MARCHF3: variants seen among roughly 807,000 people sequenced by gnomAD.
MARCHF3 encodes membrane associated ring-CH-type finger 3, also known as E3 ubiquitin-protein ligase MARCHF3.
Under a neutral mutation model 24.2 loss-of-function variants are expected in MARCHF3, and 13 were observed. The ratio of observed to expected loss-of-function variants is 0.54; its 90% CI spans 0.35 to 0.85. The LOEUF is 0.85. MARCHF3 is among the 40% of genes least tolerant of loss of function. The pLI, the probability that MARCHF3 is intolerant of heterozygous loss-of-function variation, is 0.01. For synonymous variants in MARCHF3, 144 were observed against 137.3 expected, an observed-to-expected ratio of 1.05 and a Z score of -0.34; for missense variants, 276 against 325.0, an observed-to-expected ratio of 0.85 and a Z score of 1.16.
intron 1 of MARCHF3, among the ~76,000 whole-genome samples, chr5:126,990,753 T>A (rs1201496252): frequency 2.0e-5 from 3 of 152,190 alleles, no homozygotes; most frequent in East Asian, 1.9e-4. Flanking sequence ...GAACAGACAC[T>A]TTTCAAAAGA....
At chr5:126,931,111 T>C (rs1395995755) in intron 1 of MARCHF3, among the ~76,000 whole-genome samples, 1 of 152,244 alleles carries the variant, frequency 6.6e-6, no homozygotes, top group Non-Finnish European at 1.5e-5. Flanking sequence ...GGGTGGACTC[T>C]GAGGAGATTC....
chr5:126,915,157 T>A, intron 2 of MARCHF3, 23 bp from the exon 3 acceptor site: 1 of 1,609,064 alleles, frequency 6.2e-7, no homozygotes, highest in East Asian at 2.2e-5. Flanking sequence ...GAGGGGCACC[T>A]GCTGGTCACT....
At chr5:127,025,906 G>A (rs1005372705) in intron 1 of MARCHF3, among the ~76,000 whole-genome samples, 1 of 152,138 alleles carries the variant, frequency 6.6e-6, no homozygotes, top group Non-Finnish European at 1.5e-5. Context: ...GAACTTAAGG[G>A]GGCATTTCGG....
intron 1 of MARCHF3, among the ~76,000 whole-genome samples, chr5:126,980,308 T>G (rs1751352767): frequency 6.6e-6 from 1 of 152,094 alleles, no homozygotes; most frequent in African/African-American, 2.4e-5. Flanking sequence ...CTTTAGAATT[T>G]TAAGAGAAGC....
At chr5:126,972,093 A>G (rs1000684787) in intron 1 of MARCHF3, among the ~76,000 whole-genome samples, 3 of 152,122 alleles carry the variant, frequency 2.0e-5, no homozygotes, top group African/African-American at 7.2e-5. Context: ...TTTCTTTTCC[A>G]AGACCAAAAG....
chr5:126,888,702 T>C lies in MARCHF3; in HGVS notation c.394-10308A>G, dbSNP rs558886088. Among the ~76,000 whole-genome samples, 40 of 152,322 alleles carry C rather than the reference T, an allele frequency of 2.6e-4. 1 individual carries two copies. The highest frequency in any genetic ancestry group is 8.7e-4 in the African/African-American group (36 of 41,564). ...AGGAAACAGAAGTTTTTAGAATAAA[T>C]TGATAAAATGCATAGTGCCAAAAGT... On this transcript the variant is annotated intron_variant, in intron 3 of 4. Coordinates refer to ENST00000308660, the MANE Select transcript of MARCHF3 (RefSeq NM_178450.5).
intron 1 of MARCHF3, among the ~76,000 whole-genome samples, chr5:126,962,234 C>A (rs56122855): frequency 0.052 from 7,797 of 151,164 alleles, 361 homozygotes; most frequent in South Asian, 0.14. Flanking sequence ...ATCTATATAT[C>A]TCTCTCTCTA....
chr5:126,932,548 G>A (rs1289305198), intron 1 of MARCHF3, among the ~76,000 whole-genome samples: 1 of 152,204 alleles, frequency 6.6e-6, no homozygotes, highest in Non-Finnish European at 1.5e-5. Flanking sequence ...GGATGGGCCA[G>A]AGCTTGTCAT....
intron 1 of MARCHF3, among the ~76,000 whole-genome samples, chr5:127,023,733 AAAATAAATAAATAAATAAATAAATAAAT>A (rs147240868): frequency 7.1e-6 from 1 of 141,374 alleles, no homozygotes; most frequent in Non-Finnish European, 1.5e-5. Flanking sequence ...TCTGTCTCAA[AAAATAAATAAATAAATAAATAAATAAAT>A]AAATAAATAA....
At chr5:126,992,546 T>A (rs1751804085) in intron 1 of MARCHF3, among the ~76,000 whole-genome samples, 1 of 152,224 alleles carries the variant, frequency 6.6e-6, no homozygotes, top group Non-Finnish European at 1.5e-5. Context: ...CGTGGCTGAA[T>A]GTCTCCCTTA....
intron 3 of MARCHF3, among the ~76,000 whole-genome samples, chr5:126,908,890 A>G: frequency 6.6e-6 from 1 of 152,000 alleles, no homozygotes; most frequent in Non-Finnish European, 1.5e-5. Flanking sequence ...GGAGGAGGAG[A>G]GGTGCTCTGC....
chr5:126,965,751 C>G (rs1750785423), intron 1 of MARCHF3, among the ~76,000 whole-genome samples: 1 of 151,964 alleles, frequency 6.6e-6, no homozygotes, highest in African/African-American at 2.4e-5. Flanking sequence ...AAGTCAAGGT[C>G]ATGGATTTTA....
At chr5:126,911,858 C>T (rs533698527) in intron 3 of MARCHF3, among the ~76,000 whole-genome samples, 40 of 152,286 alleles carry the variant, frequency 2.6e-4, no homozygotes, top group African/African-American at 7.0e-4. Flanking sequence ...TCTAATTGTA[C>T]GCCATACAGT....
chr5:126,967,003 A>C (rs1580690438), intron 1 of MARCHF3, among the ~76,000 whole-genome samples: 2 of 127,634 alleles, frequency 1.6e-5, no homozygotes, highest in East Asian at 4.9e-4. Flanking sequence ...TTTTTGGGGA[A>C]CAGGTGATTT....
chr5:126,904,441 G>C (rs1282222117), intron 3 of MARCHF3, among the ~76,000 whole-genome samples: 1 of 147,018 alleles, frequency 6.8e-6, no homozygotes, highest in Non-Finnish European at 1.5e-5. Context: ...CAGTGTAAAA[G>C]TGTTCCTATT....
chr5:126,954,457 A>G (rs1750367752), intron 1 of MARCHF3, among the ~76,000 whole-genome samples: 2 of 151,692 alleles, frequency 1.3e-5, no homozygotes, highest in South Asian at 2.1e-4. Context: ...TGCAGCCTCC[A>G]ACTCCTGCAT....
chr5:127,015,148 T>G (rs578152478), intron 1 of MARCHF3, among the ~76,000 whole-genome samples: 2 of 152,320 alleles, frequency 1.3e-5, no homozygotes, highest in Non-Finnish European at 2.9e-5. Flanking sequence ...TACTTTCAAA[T>G]ACGGATGTAT....
chr5:126,918,796 C>T (rs939379520), intron 1 of MARCHF3, among the ~76,000 whole-genome samples: 3 of 152,202 alleles, frequency 2.0e-5, no homozygotes, highest in Non-Finnish European at 4.4e-5. Context: ...TACCACCTTT[C>T]GACTTTTGCC....
intron 3 of MARCHF3, among the ~76,000 whole-genome samples, chr5:126,905,877 C>T (rs1013515180): frequency 6.6e-6 from 1 of 152,136 alleles, no homozygotes; most frequent in Non-Finnish European, 1.5e-5. Flanking sequence ...TGAGAGAGGG[C>T]ATCCCTGTCT....
Sources: gnomAD v4.1 joint callset for allele counts (sites outside exome capture counted in the v4.1 genomes callset) on GRCh38, gnomAD v4.1.1 for gene constraint, MANE v1.5 for transcripts, NCBI Gene and HGNC (gene_info 2026-07-23, HGNC 2026-07-21) for gene names.